Variants in SLCO5A1 observed in about 807,000 individuals in gnomAD.
SLCO5A1 encodes the protein solute carrier organic anion transporter family member 5A1, also known as organic anion transporter polypeptide-related protein 4.
In SLCO5A1, 39 loss-of-function variants were observed where a neutral mutation model predicts 65.1. The observed-to-expected ratio is 0.60, with a 90% CI of 0.46 to 0.78. The LOEUF (loss-of-function observed/expected upper bound fraction) is 0.78, where lower values mean the gene tolerates loss of function less well. Among genes scored for constraint, SLCO5A1 ranks in the 30% least tolerant of loss-of-function variants. The pLI is 0.00. For synonymous variants in SLCO5A1, 438 were observed against 415.7 expected (o/e 1.05, Z -0.65); for missense variants, 1,029 against 1,069.4 (o/e 0.96, Z 0.53).
rs1563722881 is a variant in SLCO5A1, at chr8:69,784,873, G to GA, written c.908-22999dup. Among the ~76,000 whole-genome samples the GA allele has an allele frequency of 7.4e-3, 495 of 67,208 alleles. 7 individuals are homozygous for GA. The highest frequency in any genetic ancestry group is 0.031 in the African/African-American group (475 of 15,196). The allele number at this position is 67,208 out of a possible 152,430, so 44.1% of individuals were successfully genotyped here. On this transcript the variant is annotated intron_variant, in intron 2 of 9. Coordinates refer to ENST00000260126, the MANE Select transcript of SLCO5A1 (RefSeq NM_030958.3). ...AAAGAAAGAAAGAAAGGGAAGGAAG[G>GA]AGAAAGAAAGAAAGAAGAAAGGAAG... is the stretch of plus-strand genomic sequence containing the variant.
intron 4 of SLCO5A1, among the ~76,000 whole-genome samples, chr8:69,740,595 G>A (rs1389592684): frequency 6.6e-6 from 1 of 152,160 alleles, no homozygotes; most frequent in Non-Finnish European, 1.5e-5. Flanking sequence ...CACCCTGGTA[G>A]GAATGCATCC....
intron 3 of SLCO5A1, among the ~76,000 whole-genome samples, chr8:69,758,871 C>G (rs1817637593): frequency 6.6e-6 from 1 of 152,302 alleles, no homozygotes; most frequent in Admixed American, 6.5e-5. Context: ...GACTCAGAGA[C>G]CATTCACTAA....
At chr8:69,770,168 C>T (rs1202604841) in intron 2 of SLCO5A1, among the ~76,000 whole-genome samples, 1 of 152,138 alleles carries the variant, frequency 6.6e-6, no homozygotes, top group Non-Finnish European at 1.5e-5. Context: ...GGTGCCTCAT[C>T]GGGTGGTTAT....
chr8:69,804,957 C>G (rs746515945), intron 2 of SLCO5A1, among the ~76,000 whole-genome samples: 2 of 152,136 alleles, frequency 1.3e-5, no homozygotes, highest in South Asian at 2.1e-4. Flanking sequence ...TCTAACAACT[C>G]CCTGTGATTT....
intron 5 of SLCO5A1, among the ~76,000 whole-genome samples, chr8:69,728,876 AG>A (rs1186516219): frequency 1.3e-5 from 2 of 152,182 alleles, no homozygotes; most frequent in Non-Finnish European, 2.9e-5. Context: ...AATTAGAAAA[AG>A]TCCAGAAACA....
intron 2 of SLCO5A1, among the ~76,000 whole-genome samples, chr8:69,831,257 C>T (rs1821136731): frequency 1.4e-5 from 1 of 71,354 alleles, no homozygotes; most frequent in Non-Finnish European, 2.9e-5. Context: ...AAGACTCCAT[C>T]TTAAAAAGAA....
intron 2 of SLCO5A1, among the ~76,000 whole-genome samples, chr8:69,784,895 G>GAAGGAAGAAAGAAAGA (rs368512400): frequency 2.4e-5 from 2 of 84,972 alleles, no homozygotes; most frequent in Non-Finnish European, 4.5e-5. Context: ...AAGAAGAAAG[G>GAAGGAAGAAAGAAAGA]AAGAAAGAAA....
chr8:69,674,979 G>T (rs1813490394), intron 9 of SLCO5A1, among the ~76,000 whole-genome samples: 1 of 151,398 alleles, frequency 6.6e-6, no homozygotes, highest in Admixed American at 6.6e-5. Context: ...GGCAGAGGTT[G>T]CAGAGAACTG....
In SLCO5A1 at chr8:69,783,134, A is replaced by G. The variant is rs150648617; in HGVS notation, c.908-21259T>C. Among the ~76,000 whole-genome samples, 199 of 152,266 alleles carry G rather than the reference A, an allele frequency of 1.3e-3. 7 individuals are homozygous for G. In the East Asian group the frequency reaches 0.038, roughly 29 times the overall value. ...AACAATGATCATTATTGTTACTTCT[A>G]TTATTATATATAACTTTATAGTTAA... On this transcript the variant is annotated intron_variant, in intron 2 of 9. Coordinates refer to ENST00000260126, the MANE Select transcript of SLCO5A1 (RefSeq NM_030958.3).
intron 4 of SLCO5A1, among the ~76,000 whole-genome samples, chr8:69,740,953 C>T (rs1270714344): frequency 6.6e-6 from 1 of 152,124 alleles, no homozygotes. Context: ...TATTTGTAAC[C>T]CCAAAAATTA....
chr8:69,788,311 C>T (rs1267409019), intron 2 of SLCO5A1, among the ~76,000 whole-genome samples: 3 of 152,096 alleles, frequency 2.0e-5, no homozygotes, highest in Admixed American at 6.6e-5. Flanking sequence ...AAAGACTGTA[C>T]GAGAGCTCAA....
intron 2 of SLCO5A1, among the ~76,000 whole-genome samples, chr8:69,829,567 A>G (rs928743202): frequency 2.0e-5 from 3 of 152,210 alleles, no homozygotes; most frequent in African/African-American, 7.2e-5. Context: ...AGTCCCAGCT[A>G]CTTGAGAGGC....
At chr8:69,795,606 C>T (rs893884702) in intron 2 of SLCO5A1, among the ~76,000 whole-genome samples, 3 of 152,216 alleles carry the variant, frequency 2.0e-5, no homozygotes, top group African/African-American at 7.2e-5. Flanking sequence ...CATGGTATGG[C>T]ATTGAGTGGC....
At position 69,832,625 on chromosome 8, in the gene SLCO5A1, C is replaced by G. The variant is rs1224654904; in HGVS notation, c.49G>C (p.Ala17Pro). Residue 17 changes from alanine (A) to proline (P), a missense_variant, in exon 2 of 10, where the codon GCG becomes CCG. Transcript: ENST00000260126. This position sits in a 1 kb window ranked among gnomAD's most constrained non-coding sequence, Gnocchi z 4.5. ...LQPGAGEQLE[A>P]PATAEAVQER... ...TGGACAGCTTCTGCAGTGGCCGGCGCCTCCAGCTGCTCTCCCGCCCCGGGC... is the reference window on the plus strand; with the variant it reads ...TGGACAGCTTCTGCAGTGGCCGGCGGCTCCAGCTGCTCTCCCGCCCCGGGC... 1 of 1,609,762 alleles carries G rather than the reference C, an allele frequency of 6.2e-7. No individual in the cohort carries two copies.
chr8:69,785,516 G>T (rs1819013551), intron 2 of SLCO5A1, among the ~76,000 whole-genome samples: 1 of 152,142 alleles, frequency 6.6e-6, no homozygotes, highest in Non-Finnish European at 1.5e-5. Flanking sequence ...TACTTATAAA[G>T]TGCTTCCTGT....
intron 5 of SLCO5A1, among the ~76,000 whole-genome samples, chr8:69,719,950 G>A (rs902338280): frequency 1.3e-5 from 2 of 152,122 alleles, no homozygotes; most frequent in South Asian, 2.1e-4. Flanking sequence ...CTTGCACTCC[G>A]TTCAGTCTCT....
intron 5 of SLCO5A1, among the ~76,000 whole-genome samples, chr8:69,735,789 T>A (rs1482168535): frequency 1.3e-5 from 2 of 152,100 alleles, no homozygotes; most frequent in African/African-American, 4.8e-5. Context: ...TATGTAACAA[T>A]CCTGCACATA....
At chr8:69,814,990 C>A (rs1211228672) in intron 2 of SLCO5A1, among the ~76,000 whole-genome samples, 2 of 152,112 alleles carry the variant, frequency 1.3e-5, no homozygotes, top group African/African-American at 4.8e-5. Flanking sequence ...AGAGAGTAGA[C>A]TGATGGTTAC....
rs185172032 is a variant in SLCO5A1 at position 69,783,464 on chromosome 8, T to C, written c.908-21589A>G. Reference sequence around the variant, plus strand: ...ACACCTACTCTGTACCTACGAAAAATTTTTTAAATGATTTTTAAAATATAA... The same window carrying C: ...ACACCTACTCTGTACCTACGAAAAACTTTTTAAATGATTTTTAAAATATAA... On this transcript the variant is annotated intron_variant, in intron 2 of 9. Transcript: ENST00000260126. Among the ~76,000 whole-genome samples the C allele has an allele frequency of 6.0e-3, 905 of 151,972 alleles. 14 individuals are homozygous for C. Among genetic ancestry groups the C allele is most frequent in the African/African-American group, 0.021 (862 of 41,528 alleles).
Sources: gnomAD v4.1 joint callset for allele counts (sites outside exome capture counted in the v4.1 genomes callset) on GRCh38, gnomAD v4.1.1 for gene constraint, Gnocchi (gnomAD v3.1) non-coding constraint, MANE v1.5 for transcripts, NCBI Gene and HGNC (gene_info 2026-07-23, HGNC 2026-07-21) for gene names.